The following TBCD variants were observed in gnomAD, a reference collection of about 807,000 sequenced individuals.
TBCD encodes tubulin folding cofactor D, also known as tubulin-specific chaperone D.
Under a neutral mutation model 169.3 loss-of-function variants are expected in TBCD, and 105 were observed. The observed-to-expected ratio is 0.62, with a 90% CI of 0.53 to 0.73. The LOEUF (loss-of-function observed/expected upper bound fraction) is 0.73, where lower values mean the gene tolerates loss of function less well. Ranked by LOEUF, TBCD falls within the 30% of genes least tolerant of loss-of-function variation. TBCD has a pLI of 0.00. For missense variants in TBCD, 1,444 were observed against 1,600.1 expected (o/e 0.90, Z 1.66); for synonymous variants, 700 against 643.9 (o/e 1.09, Z -1.32).
rs1159398413 is a variant in TBCD at position 82,945,911 on chromosome 17, CAT to C, written c.*3450_*3451del. 6.6e-6 allele frequency: 1 copy of C among 152,166 alleles called. No individual in the cohort carries two copies. The highest frequency in any genetic ancestry group is 2.1e-4 in the South Asian group (1 of 4,834). 9.4% of individuals were successfully genotyped at this position (152,166 alleles called of 1,614,324 possible). Reference sequence around the variant, plus strand: ...AAGCAATAAACTGTGACCATAAAAACATAGAAAGATGGCTTATATGTGGATTT... The same window carrying C: ...AAGCAATAAACTGTGACCATAAAAACAGAAAGATGGCTTATATGTGGATTT... On this transcript the variant is annotated 3_prime_UTR_variant, in exon 39 of 39. Coordinates refer to ENST00000355528, the MANE Select transcript of TBCD (RefSeq NM_005993.5).
intron 7 of TBCD, among the ~76,000 whole-genome samples, chr17:82,792,797 A>G (rs1051334968): frequency 4.6e-5 from 7 of 152,124 alleles, no homozygotes; most frequent in African/African-American, 1.7e-4. Context: ...TTTGTGTGAA[A>G]TTACCTTTTT....
chr17:82,768,657 G>A (rs1199882462), intron 5 of TBCD, 91 bp downstream of exon 5: 2 of 1,418,294 alleles, frequency 1.4e-6, no homozygotes, highest in Non-Finnish European at 1.9e-6. Flanking sequence ...GTAAGCTTCT[G>A]ATATGTATTC....
chr17:82,845,282 C>T (rs115550415), intron 13 of TBCD, among the ~76,000 whole-genome samples: 2,570 of 149,122 alleles, frequency 0.017, 82 homozygotes, highest in African/African-American at 0.062. Flanking sequence ...TTGTGCGGCC[C>T]AGCCCCTTCC....
chr17:82,776,482 T>C (rs1359108903), intron 6 of TBCD, among the ~76,000 whole-genome samples: 2 of 152,244 alleles, frequency 1.3e-5, no homozygotes, highest in East Asian at 3.8e-4. Flanking sequence ...ACAGTGCGTG[T>C]ACCGTGTTTA....
At chr17:82,941,594 C>T (rs1469128073) in intron 38 of TBCD, 111 bp downstream of exon 38, 3 of 942,774 alleles carry the variant, frequency 3.2e-6, no homozygotes, top group African/African-American at 1.7e-5. Context: ...ACGGCCCGTT[C>T]CCTCGTCTCA....
chr17:82,830,452 G>A, intron 13 of TBCD: 1 of 1,612,474 alleles, frequency 6.2e-7, no homozygotes, highest in Non-Finnish European at 8.5e-7. Context: ...CACCGCGCAT[G>A]CGTCTGGAGC....
chr17:82,912,071 C>G (rs1358557688), intron 23 of TBCD, among the ~76,000 whole-genome samples: 1 of 152,230 alleles, frequency 6.6e-6, no homozygotes, highest in East Asian at 1.9e-4. Context: ...GAAGCAGAGG[C>G]AGCTGGGGCA....
intron 8 of TBCD, among the ~76,000 whole-genome samples, chr17:82,798,059 CT>C (rs2050236561): frequency 1.4e-5 from 2 of 146,566 alleles, no homozygotes; most frequent in African/African-American, 5.0e-5. Context: ...TCACTGCAGC[CT>C]CCGCGTCCTG....
intron 10 of TBCD, 74 bp from the exon 11 acceptor site, chr17:82,807,534 A>C: frequency 4.1e-6 from 5 of 1,216,202 alleles, no homozygotes; most frequent in Non-Finnish European, 2.2e-6. Context: ...AGCGTACAGG[A>C]TGGGTCACCT....
chr17:82,842,850 G>A (rs1448608688), intron 13 of TBCD, among the ~76,000 whole-genome samples: 2 of 146,936 alleles, frequency 1.4e-5, no homozygotes, highest in Non-Finnish European at 3.0e-5. Flanking sequence ...GCGCGATCTC[G>A]GCTCACTGCA....
intron 13 of TBCD, chr17:82,830,370 G>A: frequency 6.2e-7 from 1 of 1,613,126 alleles, no homozygotes; most frequent in South Asian, 1.1e-5. Flanking sequence ...CCACCCGGAT[G>A]TTCCTGGGGC....
intron 16 of TBCD, among the ~76,000 whole-genome samples, chr17:82,892,775 G>T (rs1045647413): frequency 6.6e-6 from 1 of 152,194 alleles, no homozygotes; most frequent in Non-Finnish European, 1.5e-5. Flanking sequence ...GGGGTTTAAA[G>T]TTTGTCATTT....
intron 7 of TBCD, among the ~76,000 whole-genome samples, chr17:82,783,389 C>G (rs2049084317): frequency 6.6e-6 from 1 of 152,246 alleles, no homozygotes; most frequent in Admixed American, 6.5e-5. Flanking sequence ...TCACATACCA[C>G]AAGTAATTTA....
Position 82,921,582 on chromosome 17 carries a change from A to G in TBCD, c.2178+5A>G, listed in dbSNP as rs371823710. The stretch of plus-strand genomic sequence containing the variant: ...CACTCCCGCCAGCAGATGAAGGTAC[A>G]GTGAGCATGGGCGTTCCCGGCCGGC... On this transcript the variant is annotated splice_donor_5th_base_variant and intron_variant, in intron 25 of 38. Transcript: ENST00000355528. 5.8e-5 allele frequency: 93 copies of G among 1,613,964 alleles called. No homozygotes were observed. In the East Asian group the frequency reaches 2.0e-3, roughly 34 times the overall value.
chr17:82,852,288 G>A (rs183307255), intron 13 of TBCD, among the ~76,000 whole-genome samples: 1 of 152,238 alleles, frequency 6.6e-6, no homozygotes, highest in East Asian at 1.9e-4. Flanking sequence ...GGCGTGGTCC[G>A]TGGGCGATGC....
intron 13 of TBCD, among the ~76,000 whole-genome samples, chr17:82,816,389 G>A (rs2460468): frequency 0.47 from 71,158 of 151,986 alleles, 17,042 homozygotes; most frequent in South Asian, 0.57. Flanking sequence ...TTGGGTGTAG[G>A]CCTAGTAGAA....
At chr17:82,761,730 T>TTG (rs1424494470) in intron 2 of TBCD, among the ~76,000 whole-genome samples, 1 of 151,974 alleles carries the variant, frequency 6.6e-6, no homozygotes, top group African/African-American at 2.4e-5. Context: ...TCTTTTTTTT[T>TTG]TTTGAGATGG....
Position 82,782,130 on chromosome 17 carries a change from T to G in TBCD, c.771+409T>G, listed in dbSNP as rs1477394554. ...TGGGCTCGGGTTGGATGTTCCTGAC[T>G]GCTTCGTTGGGACACAGACCCTGGC... is the stretch of plus-strand genomic sequence containing the variant. On this transcript the variant is annotated intron_variant, in intron 7 of 38. Coordinates refer to ENST00000355528, the MANE Select transcript of TBCD (RefSeq NM_005993.5). The surrounding 1 kb of genome is among the most constrained non-coding windows in gnomAD (Gnocchi z 5.1). Among the ~76,000 whole-genome samples the G allele has an allele frequency of 6.6e-6, 1 of 152,258 alleles. No individual in the cohort carries two copies. The highest frequency in any genetic ancestry group is 1.9e-4 in the East Asian group (1 of 5,202).
In TBCD at chr17:82,853,707, A is replaced by G. The variant is rs551647210; in HGVS notation, c.1319-16517A>G. Among the ~76,000 whole-genome samples the G allele has an allele frequency of 2.6e-5, 4 of 152,002 alleles. No individual in the cohort carries two copies. In the East Asian group the frequency reaches 5.8e-4, roughly 22 times the overall value. On this transcript the variant is annotated intron_variant, in intron 13 of 38. Coordinates refer to ENST00000355528, the MANE Select transcript of TBCD (RefSeq NM_005993.5). ...GGCATGAGCCACTGTTAATGGCCCC[A>G]GCTTTCTTTGGGTTCGTGTTTTCTC... is the stretch of plus-strand genomic sequence containing the variant.
Sources: allele counts gnomAD v4.1 joint callset (sites outside exome capture counted in the v4.1 genomes callset), GRCh38; gene constraint gnomAD v4.1.1; non-coding constraint Gnocchi (gnomAD v3.1); transcripts MANE v1.5; gene names NCBI Gene and HGNC (gene_info 2026-07-23, HGNC 2026-07-21).